STPG2: variants seen among roughly 807,000 people sequenced by gnomAD.
The protein encoded by STPG2 is sperm tail PG-rich repeat containing 2.
Under a neutral mutation model 54.2 loss-of-function variants are expected in STPG2, and 56 were observed. The observed-to-expected ratio is 1.03, with a 90% CI of 0.83 to 1.29. STPG2 has a LOEUF of 1.29. Ranked by LOEUF, STPG2 falls within the 50% of genes most tolerant of loss-of-function variation. The pLI, the probability that STPG2 is intolerant of heterozygous loss-of-function variation, is 0.00. For missense variants in STPG2, 596 were observed against 544.9 expected, an observed-to-expected ratio of 1.09 and a Z score of -0.93; for synonymous variants, 200 against 181.8, an observed-to-expected ratio of 1.10 and a Z score of -0.81.
chr4:97,924,472 T>G (rs1027844372), intron 8 of STPG2, among the ~76,000 whole-genome samples: 1 of 152,236 alleles, frequency 6.6e-6, no homozygotes, highest in Non-Finnish European at 1.5e-5. Flanking sequence ...CTCAAAATTT[T>G]AATATTCTGA....
intron 1 of STPG2, among the ~76,000 whole-genome samples, chr4:98,139,002 T>C (rs1289359552): frequency 6.6e-6 from 1 of 152,194 alleles, no homozygotes; most frequent in Non-Finnish European, 1.5e-5. Context: ...TTTATCACAT[T>C]ATACTAGGCT....
At chr4:97,463,544 G>A (rs1271060798) in intron 4 of STPG2, 2 of 152,202 alleles carry the variant, frequency 1.3e-5, no homozygotes, top group East Asian at 1.9e-4. Context: ...CTTCCTCTCA[G>A]GTCCAAGCGA....
intron 8 of STPG2, among the ~76,000 whole-genome samples, chr4:97,903,022 A>C (rs188229994): frequency 6.6e-6 from 1 of 152,262 alleles, no homozygotes; most frequent in East Asian, 1.9e-4. Context: ...AAAAAGTCAA[A>C]CTCATAGAAA....
intron 5 of STPG2, among the ~76,000 whole-genome samples, chr4:98,057,420 T>C (rs981790882): frequency 1.6e-4 from 24 of 152,088 alleles, no homozygotes; most frequent in Non-Finnish European, 2.8e-4. Context: ...CAATCACAAG[T>C]ATTAATAGGA....
intron 10 of STPG2, among the ~76,000 whole-genome samples, chr4:97,603,408 T>G (rs573966211): frequency 6.6e-6 from 1 of 151,720 alleles, no homozygotes; most frequent in East Asian, 1.9e-4. Flanking sequence ...GTATGGCTGT[T>G]ACTTAAAAAA....
At chr4:97,840,522 C>G (rs1728765156) in intron 9 of STPG2, among the ~76,000 whole-genome samples, 1 of 151,752 alleles carries the variant, frequency 6.6e-6, no homozygotes, top group Non-Finnish European at 1.5e-5. Context: ...AGTAAGTCCT[C>G]ACATAACATC....
intron 9 of STPG2, among the ~76,000 whole-genome samples, chr4:97,779,252 T>A (rs1006220693): frequency 1.3e-5 from 2 of 152,110 alleles, no homozygotes; most frequent in South Asian, 4.1e-4. Context: ...CTGATGGAAC[T>A]GAAAGCCATG....
intron 9 of STPG2, among the ~76,000 whole-genome samples, chr4:97,782,689 C>G (rs1055165892): frequency 8.5e-5 from 13 of 152,180 alleles, no homozygotes; most frequent in African/African-American, 2.9e-4. Context: ...TTACTACAAG[C>G]CTCCAGTAAC....
chr4:97,813,364 A>G (rs1727802875), intron 9 of STPG2, among the ~76,000 whole-genome samples: 2 of 152,202 alleles, frequency 1.3e-5, no homozygotes, highest in South Asian at 4.1e-4. Context: ...AAAGCTGCAC[A>G]TGTACTCCCA....
At chr4:97,852,029 T>G (rs1325070387) in intron 8 of STPG2, among the ~76,000 whole-genome samples, 1 of 152,174 alleles carries the variant, frequency 6.6e-6, no homozygotes, top group Non-Finnish European at 1.5e-5. Context: ...TTTTGCAATG[T>G]TGAATGTAAA....
intron 4 of STPG2, among the ~76,000 whole-genome samples, chr4:97,471,607 G>A (rs1729938191): frequency 6.6e-6 from 1 of 152,036 alleles, no homozygotes; most frequent in Non-Finnish European, 1.5e-5. Flanking sequence ...TCTTAGGGGA[G>A]GAACTAAATA....
At chr4:98,131,869 T>C (rs891794150) in intron 2 of STPG2, among the ~76,000 whole-genome samples, 12 of 152,070 alleles carry the variant, frequency 7.9e-5, no homozygotes, top group African/African-American at 2.9e-4. Context: ...AACTCTATTC[T>C]TCAATGCCAT....
intron 8 of STPG2, chr4:97,893,170 C>T (rs150846770): frequency 6.6e-6 from 1 of 151,906 alleles, no homozygotes; most frequent in Non-Finnish European, 1.5e-5. Flanking sequence ...TGGCCTATAT[C>T]CTAAGTGCTA....
chr4:97,641,648 T>A (rs899432039), intron 10 of STPG2, among the ~76,000 whole-genome samples: 1 of 151,222 alleles, frequency 6.6e-6, no homozygotes, highest in Non-Finnish European at 1.5e-5. Context: ...TTTTAAAACC[T>A]AAAACTCACT....
At chr4:97,478,857 A>G in intron 4 of STPG2, among the ~76,000 whole-genome samples, 1 of 149,172 alleles carries the variant, frequency 6.7e-6, no homozygotes, top group East Asian at 2.0e-4. Context: ...AATGAACCCT[A>G]GAAACCAAGC....
intron 3 of STPG2, among the ~76,000 whole-genome samples, chr4:98,119,547 T>A (rs1368816953): frequency 1.3e-5 from 2 of 152,094 alleles, no homozygotes; most frequent in Non-Finnish European, 2.9e-5. Context: ...ATATTTTTCA[T>A]AATAATGAAT....
intron 6 of STPG2, 136 bp from the exon 7 acceptor site, chr4:97,972,576 A>G: frequency 2.0e-6 from 1 of 500,252 alleles, no homozygotes; most frequent in South Asian, 6.0e-5. Flanking sequence ...GTAAAATGGC[A>G]TAGTCGCATT....
chr4:97,706,977 T>C (rs1430691901), intron 10 of STPG2, among the ~76,000 whole-genome samples: 1 of 152,140 alleles, frequency 6.6e-6, no homozygotes, highest in Non-Finnish European at 1.5e-5. Flanking sequence ...AATGGTTGTA[T>C]GTTTACCTGA....
chr4:98,077,811 C>T (rs1738220877), intron 5 of STPG2, among the ~76,000 whole-genome samples: 2 of 152,136 alleles, frequency 1.3e-5, no homozygotes, highest in South Asian at 4.1e-4. Context: ...CCCGACAGCG[C>T]TAAAGATTTT....
Sources: gnomAD v4.1 joint callset for allele counts (sites outside exome capture counted in the v4.1 genomes callset) on GRCh38, gnomAD v4.1.1 for gene constraint, MANE v1.5 for transcripts, NCBI Gene and HGNC (gene_info 2026-07-23, HGNC 2026-07-21) for gene names.